Variants in DPYD observed in about 807,000 individuals in gnomAD.
DPYD encodes dihydropyrimidine dehydrogenase, also known as dihydropyrimidine dehydrogenase [NADP(+)].
Under a neutral mutation model 116.2 loss-of-function variants are expected in DPYD, and 109 were observed. That is an observed-to-expected ratio of 0.94 (90% CI 0.80 to 1.10). The LOEUF is 1.10. Ranked by LOEUF, DPYD falls within the 50% of genes least tolerant of loss-of-function variation. The pLI, the probability that DPYD is intolerant of heterozygous loss-of-function variation, is 0.00. For synonymous variants in DPYD, 440 were observed against 432.0 expected, an observed-to-expected ratio of 1.02 and a Z score of -0.23; for missense variants, 1,302 against 1,254.5, an observed-to-expected ratio of 1.04 and a Z score of -0.57.
At chr1:97,652,647 T>G (rs1221585957) in intron 8 of DPYD, among the ~76,000 whole-genome samples, 1 of 152,128 alleles carries the variant, frequency 6.6e-6, no homozygotes, top group Non-Finnish European at 1.5e-5. Flanking sequence ...CCCACATAAT[T>G]TTAATTTGAG....
At chr1:97,299,039 T>C (rs1666708085) in intron 18 of DPYD, among the ~76,000 whole-genome samples, 1 of 152,148 alleles carries the variant, frequency 6.6e-6, no homozygotes. Flanking sequence ...TAATCCAATG[T>C]ACTGTACCAT....
intron 1 of DPYD, among the ~76,000 whole-genome samples, chr1:97,894,219 T>G (rs1414795587): frequency 6.6e-6 from 1 of 151,914 alleles, no homozygotes; most frequent in Non-Finnish European, 1.5e-5. Flanking sequence ...AGGATGAGAA[T>G]GAGAGAAAGC....
intron 16 of DPYD, among the ~76,000 whole-genome samples, chr1:97,338,297 G>A (rs142031201): frequency 1.5e-3 from 231 of 152,280 alleles, no homozygotes; most frequent in African/African-American, 5.4e-3. Context: ...TAGGAAGATG[G>A]GAAGATGCCA....
intron 10 of DPYD, among the ~76,000 whole-genome samples, chr1:97,590,995 G>C (rs534631731): frequency 3.9e-5 from 6 of 152,280 alleles, no homozygotes; most frequent in African/African-American, 1.4e-4. Context: ...TACATAATCC[G>C]GTCAGCCACA....
At chr1:97,572,195 A>G (rs933113927) in intron 11 of DPYD, among the ~76,000 whole-genome samples, 7 of 152,006 alleles carry the variant, frequency 4.6e-5, no homozygotes, top group African/African-American at 1.7e-4. Context: ...ATTCTGGAAT[A>G]AAATGCATAA....
At chr1:97,133,681 AT>A (rs1422170268) in intron 20 of DPYD, among the ~76,000 whole-genome samples, 1 of 151,886 alleles carries the variant, frequency 6.6e-6, no homozygotes, top group Admixed American at 6.6e-5. Context: ...ACATTGACCT[AT>A]TAGGTTACAT....
At chr1:97,913,282 T>C (rs984731885) in intron 1 of DPYD, among the ~76,000 whole-genome samples, 2 of 152,166 alleles carry the variant, frequency 1.3e-5, no homozygotes, top group Non-Finnish European at 2.9e-5. Context: ...CTGGTATAAA[T>C]AGTACACTCA....
At position 97,118,934 on chromosome 1, in the gene DPYD, G is replaced by GA. The variant is rs1170494257; in HGVS notation, c.2623-20303dup. 4.0e-5 allele frequency among the ~76,000 whole-genome samples: 6 copies of GA among 151,620 alleles called. No homozygotes were observed. The East Asian group carries it at 1.2e-3, about 29-fold the overall frequency. ...TACTGTGCCAGTTGCAAACAGGAAA[G>GA]AAAAAAAATAATGGAAGAGGATACA... On this transcript the variant is annotated intron_variant, in intron 20 of 22. Transcript: ENST00000370192.
chr1:97,711,976 A>C (rs575386979), intron 5 of DPYD, among the ~76,000 whole-genome samples: 6 of 152,146 alleles, frequency 3.9e-5, no homozygotes, highest in Admixed American at 3.9e-4. Flanking sequence ...GAGAAATCTA[A>C]GGTCAGAGTA....
intron 15 of DPYD, among the ~76,000 whole-genome samples, chr1:97,373,898 A>G (rs1671444136): frequency 6.6e-6 from 1 of 152,138 alleles, no homozygotes; most frequent in Non-Finnish European, 1.5e-5. Flanking sequence ...TATGTTTTAT[A>G]TTTGTTACCT....
chr1:97,317,886 T>C (rs554707207), intron 16 of DPYD, among the ~76,000 whole-genome samples: 30 of 152,178 alleles, frequency 2.0e-4, no homozygotes, highest in African/African-American at 7.0e-4. Context: ...TGGCAATGAA[T>C]GGTTCCGACT....
chr1:97,500,333 C>T (rs909003390), intron 13 of DPYD, among the ~76,000 whole-genome samples: 27 of 151,846 alleles, frequency 1.8e-4, no homozygotes, highest in African/African-American at 5.8e-4. Context: ...AATGAAAATG[C>T]TCTCATTACA....
At chr1:97,237,241 CAAAAAAAAAAAAAAAAA>C (rs58926889) in intron 18 of DPYD, among the ~76,000 whole-genome samples, 14 of 57,690 alleles carry the variant, frequency 2.4e-4, no homozygotes, top group South Asian at 1.2e-3. Flanking sequence ...GATTCTGTCT[CAAAAAAAAAAAAAAAAA>C]AAAAAAAAAA....
intron 3 of DPYD, among the ~76,000 whole-genome samples, chr1:97,772,538 G>T (rs1487563057): frequency 6.6e-6 from 1 of 152,180 alleles, no homozygotes; most frequent in Non-Finnish European, 1.5e-5. Flanking sequence ...CAGGTTGGAA[G>T]TAAGCATTTG....
chr1:97,670,403 G>A (rs545394461), intron 8 of DPYD, among the ~76,000 whole-genome samples: 4 of 152,170 alleles, frequency 2.6e-5, no homozygotes, highest in Non-Finnish European at 5.9e-5. Flanking sequence ...CCCCCATCAT[G>A]GGATTAGTGC....
intron 8 of DPYD, among the ~76,000 whole-genome samples, chr1:97,630,193 A>T (rs1657170096): frequency 2.0e-5 from 3 of 152,036 alleles, no homozygotes; most frequent in Admixed American, 2.0e-4. Flanking sequence ...AAGAAATATA[A>T]AGCACTATAT....
intron 6 of DPYD, among the ~76,000 whole-genome samples, chr1:97,698,454 G>C (rs1251359553): frequency 6.6e-6 from 1 of 151,674 alleles, no homozygotes; most frequent in Non-Finnish European, 1.5e-5. Context: ...AAAAACATAA[G>C]AAACTTCACA....
In DPYD at chr1:97,840,456, A is replaced by C. The variant is rs537135466; in HGVS notation, c.151-12260T>G. Among the ~76,000 whole-genome samples, 3 of 152,210 alleles carry C rather than the reference A, an allele frequency of 2.0e-5. No homozygotes were observed. The South Asian group carries it at 6.2e-4, about 32-fold the overall frequency. Reference sequence around the variant, plus strand: ...CTGGTTGAAAATGGAGGTTAACTAGATACTGTATTTTTCTGGGATTAAAGG... The same window carrying C: ...CTGGTTGAAAATGGAGGTTAACTAGCTACTGTATTTTTCTGGGATTAAAGG... On this transcript the variant is annotated intron_variant, in intron 2 of 22. Coordinates refer to ENST00000370192, the MANE Select transcript of DPYD (RefSeq NM_000110.4).
chr1:97,846,795 A>T (rs1455432971), intron 2 of DPYD, among the ~76,000 whole-genome samples: 2 of 152,230 alleles, frequency 1.3e-5, no homozygotes, highest in African/African-American at 4.8e-5. Context: ...AAACAATCAC[A>T]TCATACTTTC....
Sources: gnomAD v4.1 joint callset for allele counts (sites outside exome capture counted in the v4.1 genomes callset) on GRCh38, gnomAD v4.1.1 for gene constraint, MANE v1.5 for transcripts, NCBI Gene and HGNC (gene_info 2026-07-23, HGNC 2026-07-21) for gene names.